FBXL7: variants seen among roughly 807,000 people sequenced by gnomAD.
The protein encoded by FBXL7 is F-box and leucine rich repeat protein 7, also known as F-box/LRR-repeat protein 7.
A neutral mutation model predicts 38.3 loss-of-function variants in FBXL7; 12 were observed. The observed-to-expected ratio is 0.31, with a 90% CI of 0.20 to 0.51. The LOEUF (loss-of-function observed/expected upper bound fraction) is 0.51. Among genes scored for constraint, FBXL7 ranks in the 20% least tolerant of loss-of-function variants. The pLI is 0.98. For missense variants in FBXL7, 567 were observed against 676.4 expected (o/e 0.84, Z 1.79); for synonymous variants, 297 against 300.9 (o/e 0.99, Z 0.13).
chr5:15,656,353 A>T (rs1461630978), intron 2 of FBXL7, among the ~76,000 whole-genome samples: 1 of 152,220 alleles, frequency 6.6e-6, no homozygotes, highest in African/African-American at 2.4e-5. Context: ...GCAATTTACA[A>T]AAGAAAGGTT....
intron 2 of FBXL7, among the ~76,000 whole-genome samples, chr5:15,656,388 G>T (rs895737157): frequency 7.2e-5 from 11 of 152,160 alleles, no homozygotes; most frequent in African/African-American, 2.4e-4. Context: ...GTTCCACATG[G>T]CTGGGGAATC....
chr5:15,930,803 A>T (rs1046092683), intron 3 of FBXL7, among the ~76,000 whole-genome samples: 2 of 152,142 alleles, frequency 1.3e-5, no homozygotes, highest in Non-Finnish European at 2.9e-5. Flanking sequence ...GTCTTGAAAG[A>T]CTCAACAGGC....
intron 2 of FBXL7, among the ~76,000 whole-genome samples, chr5:15,838,381 G>C (rs77749371): frequency 2.6e-5 from 4 of 152,050 alleles, no homozygotes; most frequent in Non-Finnish European, 5.9e-5. Flanking sequence ...GATGCGAGGG[G>C]TCTCTTTTAT....
intron 2 of FBXL7, among the ~76,000 whole-genome samples, chr5:15,794,313 G>T (rs917724067): frequency 6.6e-6 from 1 of 152,170 alleles, no homozygotes; most frequent in African/African-American, 2.4e-5. Flanking sequence ...CAACTGCAGT[G>T]ACATCTCCTG....
rs1173509531 is a variant in FBXL7 at position 15,541,543 on chromosome 5, CTTTTTT to C, written c.37+40844_37+40849del. Among the ~76,000 whole-genome samples the C allele has an allele frequency of 2.3e-3, 213 of 91,344 alleles. 3 individuals are homozygous for C. Among genetic ancestry groups the C allele is most frequent in the African/African-American group, 8.5e-3 (192 of 22,464 alleles). 59.9% of individuals were successfully genotyped at this position (91,344 alleles called of 152,430 possible). On this transcript the variant is annotated intron_variant, in intron 1 of 3. Coordinates refer to ENST00000504595, the MANE Select transcript of FBXL7 (RefSeq NM_012304.5). Reference sequence around the variant, plus strand: ...CCCACCCCTATTCCCACTCACTCCTCTTTTTTTTTTTTTTTTTTTGAGACAGAATCT... The same window carrying C: ...CCCACCCCTATTCCCACTCACTCCTCTTTTTTTTTTTTTGAGACAGAATCT...
At chr5:15,509,126 A>G (rs1203731043) in intron 1 of FBXL7, among the ~76,000 whole-genome samples, 2 of 152,198 alleles carry the variant, frequency 1.3e-5, no homozygotes, top group African/African-American at 2.4e-5. Flanking sequence ...GCTACAGACT[A>G]GAACCATACA....
rs1002959071 is a variant in FBXL7 at position 15,936,193 on chromosome 5, C to T, written c.740-257C>T. On this transcript the variant is annotated intron_variant, in intron 3 of 3. Transcript: ENST00000504595. The surrounding 1 kb of genome is among the most constrained non-coding windows in gnomAD (Gnocchi z 6.0). The stretch of plus-strand genomic sequence containing the variant: ...ATGTCAGGCAAGTAGGGACAGATGA[C>T]AGATCAGGAATTGGAACCATGGTTT... Among the ~76,000 whole-genome samples, 35 of 152,362 alleles carry T rather than the reference C, an allele frequency of 2.3e-4. No individual in the cohort carries two copies. Among genetic ancestry groups the T allele is most frequent in the Admixed American group, 1.9e-3 (29 of 15,308 alleles).
intron 1 of FBXL7, among the ~76,000 whole-genome samples, chr5:15,528,870 G>C (rs1414118165): frequency 6.6e-6 from 1 of 152,188 alleles, no homozygotes; most frequent in East Asian, 1.9e-4. Context: ...ATATGTGTAA[G>C]TTGTGGAATA....
At chr5:15,583,551 C>A (rs141651402) in intron 1 of FBXL7, among the ~76,000 whole-genome samples, 244 of 152,264 alleles carry the variant, frequency 1.6e-3, no homozygotes, top group Non-Finnish European at 1.9e-3. Context: ...AACAAAGGGG[C>A]TGTGGTCCCC....
intron 2 of FBXL7, among the ~76,000 whole-genome samples, chr5:15,778,293 T>G (rs374091792): frequency 6.6e-6 from 1 of 152,128 alleles, no homozygotes; most frequent in Admixed American, 6.6e-5. Flanking sequence ...TCTAAAGATA[T>G]GACTCCATCT....
chr5:15,936,512 C>T lies in FBXL7; in HGVS notation c.802C>T (p.His268Tyr). Residue 268 changes from histidine to tyrosine, a missense_variant, in exon 4 of 4, where the codon CAT (histidine) becomes TAT (tyrosine). Physicochemically the swap from His to Tyr is moderately conservative, Grantham distance 83 (BLOSUM62 2). Coordinates refer to ENST00000504595, the MANE Select transcript of FBXL7 (RefSeq NM_012304.5). This position sits in a 1 kb window ranked among gnomAD's most constrained non-coding sequence, Gnocchi z 6.0. ...REASIKLSPLHGKQISIRYLD... is the reference protein window; with the variant it reads ...REASIKLSPLYGKQISIRYLD... ...GGCCTCCATTAAACTGTCACCCTTG[C>T]ATGGCAAACAGATTTCCATCCGCTA... 6.2e-7 allele frequency: 1 copy of T among 1,613,570 alleles called. No individual in the cohort carries two copies. Among genetic ancestry groups the T allele is most frequent in the Non-Finnish European group, 8.5e-7 (1 of 1,179,902 alleles).
intron 2 of FBXL7, among the ~76,000 whole-genome samples, chr5:15,794,072 T>C (rs1014996413): frequency 2.0e-5 from 3 of 152,254 alleles, no homozygotes; most frequent in African/African-American, 7.2e-5. Context: ...ACTAGGTTTA[T>C]GATGCCATCT....
chr5:15,652,533 T>G (rs1025293852), intron 2 of FBXL7, among the ~76,000 whole-genome samples: 1 of 152,212 alleles, frequency 6.6e-6, no homozygotes, highest in African/African-American at 2.4e-5. Flanking sequence ...CCCAAAGTGC[T>G]GGGATTACAG....
chr5:15,900,381 A>G (rs961789791), intron 2 of FBXL7, among the ~76,000 whole-genome samples: 3 of 152,174 alleles, frequency 2.0e-5, no homozygotes, highest in Non-Finnish European at 4.4e-5. Context: ...CTGCAAAGAA[A>G]GAAGAAAAAC....
rs906725652 is a variant in FBXL7, at chr5:15,899,813, A to G, written c.128-28077A>G. On this transcript the variant is annotated intron_variant, in intron 2 of 3. Coordinates refer to ENST00000504595, the MANE Select transcript of FBXL7 (RefSeq NM_012304.5). ...ATAACTGAGAAGGGAAAGAGCTTTC[A>G]ACAGACTTATTATAAGAATGTTGGT... Among the ~76,000 whole-genome samples, 7 of 152,264 alleles carry G rather than the reference A, an allele frequency of 4.6e-5. No homozygotes were observed. The East Asian group carries it at 5.8e-4, about 13-fold the overall frequency.
chr5:15,586,951 C>T (rs545494118), intron 1 of FBXL7, among the ~76,000 whole-genome samples: 2 of 152,342 alleles, frequency 1.3e-5, no homozygotes, highest in East Asian at 3.9e-4. Flanking sequence ...CAAGTTCTAT[C>T]TGTTTCTCTC....
intron 2 of FBXL7, among the ~76,000 whole-genome samples, chr5:15,716,551 C>T (rs1744048448): frequency 6.6e-6 from 1 of 152,158 alleles, no homozygotes; most frequent in Admixed American, 6.5e-5. Flanking sequence ...CCTCTGTGGT[C>T]AAGCCTTTCT....
intron 2 of FBXL7, among the ~76,000 whole-genome samples, chr5:15,781,347 C>G (rs1411363049): frequency 1.3e-5 from 2 of 151,692 alleles, no homozygotes; most frequent in Non-Finnish European, 2.9e-5. Flanking sequence ...ACTTGCATGC[C>G]ATTGGATGTT....
At chr5:15,516,629 C>T (rs533733603) in intron 1 of FBXL7, among the ~76,000 whole-genome samples, 8 of 152,086 alleles carry the variant, frequency 5.3e-5, no homozygotes, top group Non-Finnish European at 8.8e-5. Flanking sequence ...TCCCACATGT[C>T]GTGGGAGGGA....
Sources: allele counts gnomAD v4.1 joint callset (sites outside exome capture counted in the v4.1 genomes callset), GRCh38; gene constraint gnomAD v4.1.1; non-coding constraint Gnocchi (gnomAD v3.1); transcripts MANE v1.5; gene names NCBI Gene and HGNC (gene_info 2026-07-23, HGNC 2026-07-21).